The following EYS variants were observed in gnomAD, a reference collection of about 807,000 sequenced individuals.
EYS encodes the protein protein eyes shut homolog.
A neutral mutation model predicts 282.1 loss-of-function variants in EYS; 250 were observed. The ratio of observed to expected loss-of-function variants is 0.89; its 90% CI spans 0.80 to 0.98. The LOEUF is 0.98. Among genes scored for constraint, EYS ranks in the 50% least tolerant of loss-of-function variants. The probability of loss-of-function intolerance (pLI) is 0.00; values close to 1 mark genes in which losing one functional copy is unlikely to be tolerated. For synonymous variants in EYS, 1,355 were observed against 1,282.9 expected (o/e 1.06, Z -1.20); for missense variants, 4,016 against 3,709.0 (o/e 1.08, Z -2.15).
intron 26 of EYS, among the ~76,000 whole-genome samples, chr6:64,559,920 C>A (rs1765345054): frequency 6.6e-6 from 1 of 152,060 alleles, no homozygotes; most frequent in East Asian, 1.9e-4. Context: ...GTACCCTCTA[C>A]CCTCAGGTGG....
At chr6:65,255,904 T>A (rs929662033) in intron 12 of EYS, among the ~76,000 whole-genome samples, 1 of 152,052 alleles carries the variant, frequency 6.6e-6, no homozygotes, top group Non-Finnish European at 1.5e-5. Context: ...TCAGGAGGAA[T>A]ATGAATTAGT....
chr6:63,953,667 G>C (rs1032942920), intron 35 of EYS, among the ~76,000 whole-genome samples: 1 of 151,978 alleles, frequency 6.6e-6, no homozygotes, highest in Non-Finnish European at 1.5e-5. Flanking sequence ...AAACCTAGCT[G>C]ACCCCATAAA....
At chr6:65,419,179 G>T (rs939596857) in intron 5 of EYS, among the ~76,000 whole-genome samples, 1 of 151,740 alleles carries the variant, frequency 6.6e-6, no homozygotes, top group Non-Finnish European at 1.5e-5. Context: ...ACTTACGGAT[G>T]TATAAACCCA....
intron 31 of EYS, among the ~76,000 whole-genome samples, chr6:64,170,058 G>A (rs1270061861): frequency 6.6e-6 from 1 of 152,114 alleles, no homozygotes; most frequent in Non-Finnish European, 1.5e-5. Flanking sequence ...TTTTAGGTAG[G>A]CAATTAGTGG....
Position 65,336,894 on chromosome 6 carries a change from A to G in EYS, c.1600-1748T>C, listed in dbSNP as rs975231728. Among the ~76,000 whole-genome samples, 19 of 151,554 alleles carry G rather than the reference A, an allele frequency of 1.3e-4. 1 individual carries two copies. The highest frequency in any genetic ancestry group is 4.6e-4 in the Admixed American group (7 of 15,130). ...TCTTATGGAGTGCTTAAACACAGGT[A>G]TATATTTATATATTTACATATACAT... is the stretch of plus-strand genomic sequence containing the variant. On this transcript the variant is annotated intron_variant, in intron 10 of 42. Coordinates refer to ENST00000503581, the MANE Select transcript of EYS (RefSeq NM_001142800.2).
intron 30 of EYS, among the ~76,000 whole-genome samples, chr6:64,257,233 T>G (rs1009132014): frequency 2.6e-5 from 4 of 152,032 alleles, no homozygotes; most frequent in Non-Finnish European, 4.4e-5. Flanking sequence ...TCCCTCCAAC[T>G]TATACAATAA....
In EYS at chr6:63,994,798, G is replaced by A. The variant is rs567390859; in HGVS notation, c.6834+4277C>T. Reference sequence around the variant, plus strand: ...TCCCTTTATTGTATAAGAAATTAATGGTATAATTTAAAAAGCAAGGATTTT... The same window carrying A: ...TCCCTTTATTGTATAAGAAATTAATAGTATAATTTAAAAAGCAAGGATTTT... On this transcript the variant is annotated intron_variant, in intron 34 of 42. Coordinates refer to ENST00000503581, the MANE Select transcript of EYS (RefSeq NM_001142800.2). Among the ~76,000 whole-genome samples the A allele has an allele frequency of 9.9e-5, 15 of 151,652 alleles. No individual in the cohort carries two copies. In the South Asian group the frequency reaches 2.3e-3, roughly 23 times the overall value.
Position 64,221,663 on chromosome 6 carries a change from T to C in EYS, c.6424+8929A>G, listed in dbSNP as rs79470402. On this transcript the variant is annotated intron_variant, in intron 31 of 42. Transcript: ENST00000503581. ...GCAAATGCCATCCAAAAATATTAAA[T>C]AGAAAATTCCAGAAATAATTCACAC... Among the ~76,000 whole-genome samples the C allele has an allele frequency of 9.9e-5, 15 of 152,254 alleles. No homozygotes were observed. The East Asian group carries it at 2.9e-3, about 29-fold the overall frequency.
chr6:64,153,132 C>T (rs1031883649), intron 31 of EYS, among the ~76,000 whole-genome samples: 2 of 152,086 alleles, frequency 1.3e-5, no homozygotes, highest in African/African-American at 4.8e-5. Flanking sequence ...TATATACTCC[C>T]AACCATCCTA....
intron 22 of EYS, among the ~76,000 whole-genome samples, chr6:64,758,877 G>T (rs747842812): frequency 5.9e-5 from 9 of 152,172 alleles, no homozygotes; most frequent in Non-Finnish European, 1.3e-4. Context: ...AGTGGCTCAC[G>T]CCTGTAATCC....
intron 19 of EYS, among the ~76,000 whole-genome samples, chr6:64,834,539 G>A (rs2150030329): frequency 6.6e-6 from 1 of 151,904 alleles, no homozygotes; most frequent in Non-Finnish European, 1.5e-5. Context: ...CAGTGACCTA[G>A]TTAATTTGAG....
chr6:64,034,165 A>AAAAT (rs1368564921), intron 33 of EYS, among the ~76,000 whole-genome samples: 4 of 152,320 alleles, frequency 2.6e-5, no homozygotes, highest in African/African-American at 9.6e-5. Context: ...GATTAAAATT[A>AAAAT]AAACAAACAA....
intron 30 of EYS, among the ~76,000 whole-genome samples, chr6:64,275,496 C>T (rs1371579755): frequency 1.4e-5 from 2 of 145,476 alleles, no homozygotes; most frequent in Non-Finnish European, 3.0e-5. Context: ...GTCACCCAGG[C>T]AGTGGTGTGA....
chr6:64,244,160 T>G (rs1766929197), intron 30 of EYS, among the ~76,000 whole-genome samples: 1 of 152,170 alleles, frequency 6.6e-6, no homozygotes, highest in Admixed American at 6.5e-5. Flanking sequence ...GTATAGAATT[T>G]TTTACTTACA....
intron 22 of EYS, among the ~76,000 whole-genome samples, chr6:64,809,597 GA>G (rs980862770): frequency 6.6e-6 from 1 of 152,006 alleles, no homozygotes; most frequent in Non-Finnish European, 1.5e-5. Flanking sequence ...ATCGATAAAA[GA>G]AAATGTGGTA....
chr6:65,070,751 C>T (rs183819355), intron 12 of EYS, among the ~76,000 whole-genome samples: 16 of 151,848 alleles, frequency 1.1e-4, no homozygotes, highest in East Asian at 1.9e-4. Flanking sequence ...GTATTTGCAT[C>T]GCATGATACC....
chr6:64,835,768 T>C (rs115554979), intron 19 of EYS, among the ~76,000 whole-genome samples: 176 of 151,740 alleles, frequency 1.2e-3, no homozygotes, highest in Non-Finnish European at 2.1e-3. Context: ...TGTGTACATA[T>C]TATAACAAAT....
At chr6:64,901,355 T>A (rs1562250400) in intron 18 of EYS, among the ~76,000 whole-genome samples, 1 of 146,004 alleles carries the variant, frequency 6.8e-6, no homozygotes, top group Non-Finnish European at 1.5e-5. Context: ...AAAGGCAAAA[T>A]TAATCATCTC....
chr6:64,516,081 T>A (rs1777553150), intron 26 of EYS, among the ~76,000 whole-genome samples: 1 of 151,744 alleles, frequency 6.6e-6, no homozygotes, highest in African/African-American at 2.4e-5. Flanking sequence ...TAAATGAATC[T>A]CTAAACATTA....
Sources: allele counts gnomAD v4.1 joint callset (sites outside exome capture counted in the v4.1 genomes callset), GRCh38; gene constraint gnomAD v4.1.1; transcripts MANE v1.5; gene names NCBI Gene and HGNC (gene_info 2026-07-23, HGNC 2026-07-21).